Variants in GALNT13 observed in about 807,000 individuals in gnomAD.
GALNT13 encodes the protein polypeptide N-acetylgalactosaminyltransferase 13, also known as UDP-GalNAc:polypeptide N-acetylgalactosaminyltransferase 13.
In GALNT13, 28 loss-of-function variants were observed where a neutral mutation model predicts 64.2. The observed-to-expected ratio is 0.44, with a 90% CI of 0.32 to 0.60. The LOEUF is 0.60. Among genes scored for constraint, GALNT13 ranks in the 20% least tolerant of loss-of-function variants. The pLI is 0.05. For synonymous variants in GALNT13, 214 were observed against 224.6 expected, an observed-to-expected ratio of 0.95 and a Z score of 0.42; for missense variants, 577 against 669.8, an observed-to-expected ratio of 0.86 and a Z score of 1.53.
At chr2:154,022,988 C>T (rs1425383415) in intron 3 of GALNT13, among the ~76,000 whole-genome samples, 2 of 152,144 alleles carry the variant, frequency 1.3e-5, no homozygotes, top group Non-Finnish European at 2.9e-5. Context: ...CGTTCAGATT[C>T]TATGTAGTTG....
chr2:153,633,366 T>A, the GALNT13 span, among the ~76,000 whole-genome samples: 2 of 152,150 alleles, frequency 1.3e-5, no homozygotes, highest in Admixed American at 1.3e-4. Flanking sequence ...AAATAAGACA[T>A]TATCTCACCA....
the GALNT13 span, among the ~76,000 whole-genome samples, chr2:153,167,815 A>G: frequency 1.3e-5 from 2 of 152,204 alleles, no homozygotes; most frequent in Admixed American, 6.5e-5. Flanking sequence ...TTACTTTTTT[A>G]GAAGAAAGAT....
the GALNT13 span, among the ~76,000 whole-genome samples, chr2:153,517,440 G>A: frequency 2.6e-5 from 4 of 152,182 alleles, no homozygotes; most frequent in Non-Finnish European, 5.9e-5. Flanking sequence ...TATAGTATGA[G>A]GTTTGAAACC....
At chr2:153,843,862 A>T in the GALNT13 span, among the ~76,000 whole-genome samples, 2 of 152,160 alleles carry the variant, frequency 1.3e-5, no homozygotes, top group Non-Finnish European at 1.5e-5. Context: ...AAGCTCCTAA[A>T]TAATCTGCTT....
At chr2:154,023,905 C>G (rs1401881194) in intron 3 of GALNT13, among the ~76,000 whole-genome samples, 1 of 152,182 alleles carries the variant, frequency 6.6e-6, no homozygotes, top group Non-Finnish European at 1.5e-5. Context: ...GACAAAATCT[C>G]TCAGCATTTG....
chr2:153,779,917 T>A, the GALNT13 span, among the ~76,000 whole-genome samples: 1 of 152,152 alleles, frequency 6.6e-6, no homozygotes, highest in Admixed American at 6.5e-5. Flanking sequence ...TCTTCACTGT[T>A]CAGCTTCGTT....
the GALNT13 span, among the ~76,000 whole-genome samples, chr2:153,414,378 A>G: frequency 6.6e-6 from 1 of 151,316 alleles, no homozygotes; most frequent in Admixed American, 6.6e-5. Flanking sequence ...CTGTCACAAA[A>G]ATAAAAATAA....
the GALNT13 span, among the ~76,000 whole-genome samples, chr2:153,651,476 A>G: frequency 0.27 from 40,610 of 152,086 alleles, 6,967 homozygotes; most frequent in Middle Eastern, 0.46. Flanking sequence ...TGTTCTTTCA[A>G]TATCTCAGCT....
intron 3 of GALNT13, among the ~76,000 whole-genome samples, chr2:154,070,845 A>T (rs1275143229): frequency 6.6e-6 from 1 of 151,908 alleles, no homozygotes; most frequent in Non-Finnish European, 1.5e-5. Context: ...TGAACCCAGG[A>T]GACAGGTTGC....
At chr2:154,035,542 T>C (rs1231272901) in intron 3 of GALNT13, among the ~76,000 whole-genome samples, 1 of 152,092 alleles carries the variant, frequency 6.6e-6, no homozygotes, top group Non-Finnish European at 1.5e-5. Context: ...AGTCATTTTT[T>C]AAGTGGAAAA....
At chr2:153,787,269 C>T in the GALNT13 span, among the ~76,000 whole-genome samples, 1 of 152,044 alleles carries the variant, frequency 6.6e-6, no homozygotes, top group Admixed American at 6.5e-5. Flanking sequence ...TGAGCAAAAG[C>T]CTACCAACTG....
At chr2:153,881,566 A>G (rs150191517) in intron 1 of GALNT13, among the ~76,000 whole-genome samples, 3 of 152,290 alleles carry the variant, frequency 2.0e-5, no homozygotes, top group African/African-American at 7.2e-5. Context: ...GCAGACAACA[A>G]TAGGCCCATT....
At chr2:153,325,387 T>C in the GALNT13 span, among the ~76,000 whole-genome samples, 1 of 152,114 alleles carries the variant, frequency 6.6e-6, no homozygotes, top group African/African-American at 2.4e-5. Context: ...TCTTCTCTCT[T>C]TTCTTCTTTA....
chr2:153,765,928 C>T, the GALNT13 span, among the ~76,000 whole-genome samples: 1 of 152,124 alleles, frequency 6.6e-6, no homozygotes, highest in Non-Finnish European at 1.5e-5. Context: ...TGACTTTTCC[C>T]CTCCTTTACC....
At chr2:153,318,659 C>G in the GALNT13 span, among the ~76,000 whole-genome samples, 1 of 152,174 alleles carries the variant, frequency 6.6e-6, no homozygotes, top group South Asian at 2.1e-4. Context: ...TAGCCTTGGA[C>G]TAGTCAGTGG....
chr2:153,794,584 G>T, the GALNT13 span, among the ~76,000 whole-genome samples: 1 of 151,206 alleles, frequency 6.6e-6, no homozygotes, highest in Non-Finnish European at 1.5e-5. Flanking sequence ...GCAGTGGTGT[G>T]ATCTCAATTC....
At chr2:153,086,954 C>T in the GALNT13 span, among the ~76,000 whole-genome samples, 1 of 152,036 alleles carries the variant, frequency 6.6e-6, no homozygotes, top group Non-Finnish European at 1.5e-5. Context: ...TTCCTGTTTA[C>T]CTATTTGGAT....
chr2:153,766,845 TTGTC>T, the GALNT13 span, among the ~76,000 whole-genome samples: 1 of 152,138 alleles, frequency 6.6e-6, no homozygotes, highest in African/African-American at 2.4e-5. Flanking sequence ...TCTTAATTCT[TTGTC>T]TGCCACTTCA....
intron 2 of GALNT13, among the ~76,000 whole-genome samples, chr2:153,917,437 T>G (rs1378946047): frequency 6.6e-6 from 1 of 152,160 alleles, no homozygotes; most frequent in Non-Finnish European, 1.5e-5. Flanking sequence ...TTTTTATTAT[T>G]TTTTATTTTG....
Sources: allele counts gnomAD v4.1 joint callset (sites outside exome capture counted in the v4.1 genomes callset), GRCh38; gene constraint gnomAD v4.1.1; transcripts MANE v1.5; gene names NCBI Gene and HGNC (gene_info 2026-07-23, HGNC 2026-07-21).